Variants in TRHDE observed in about 807,000 individuals in gnomAD.
The protein encoded by TRHDE is thyrotropin-releasing hormone-degrading ectoenzyme.
Under a neutral mutation model 125.7 loss-of-function variants are expected in TRHDE, and 72 were observed. That is an observed-to-expected ratio of 0.57 (90% CI 0.47 to 0.70). The LOEUF is 0.70. TRHDE is among the 30% of genes least tolerant of loss of function. The pLI, the probability that TRHDE is intolerant of heterozygous loss-of-function variation, is 0.00. For synonymous variants in TRHDE, 509 were observed against 509.1 expected (o/e 1.00, Z 0.00); for missense variants, 1,110 against 1,327.1 (o/e 0.84, Z 2.54).
chr12:72,156,654 G>C (rs1876519922), intron 2 of TRHDE, among the ~76,000 whole-genome samples: 1 of 152,172 alleles, frequency 6.6e-6, no homozygotes, highest in Non-Finnish European at 1.5e-5. Flanking sequence ...CTGTGATTAG[G>C]AGTTAGAGTT....
intron 2 of TRHDE, among the ~76,000 whole-genome samples, chr12:72,173,118 TTTC>T (rs1428336711): frequency 5.3e-5 from 8 of 152,230 alleles, no homozygotes; most frequent in Non-Finnish European, 1.0e-4. Context: ...TAACTACATC[TTTC>T]ATTGTTTCTA....
chr12:72,511,281 G>A (rs900095328), intron 6 of TRHDE, among the ~76,000 whole-genome samples: 2 of 151,968 alleles, frequency 1.3e-5, no homozygotes, highest in Non-Finnish European at 2.9e-5. Flanking sequence ...AATTAATTTT[G>A]TATTTGCATA....
At chr12:72,109,207 A>G (rs939933761) in intron 2 of TRHDE, among the ~76,000 whole-genome samples, 4 of 152,078 alleles carry the variant, frequency 2.6e-5, no homozygotes, top group Non-Finnish European at 5.9e-5. Context: ...AGAGTAGAGT[A>G]AGAATTGACA....
intron 3 of TRHDE, among the ~76,000 whole-genome samples, chr12:72,426,951 A>C (rs558154582): frequency 3.5e-4 from 53 of 152,130 alleles, no homozygotes; most frequent in Non-Finnish European, 7.1e-4. Flanking sequence ...TTTAGTGGCC[A>C]AATGTCACCT....
intron 3 of TRHDE, among the ~76,000 whole-genome samples, chr12:72,459,708 C>G (rs1876035284): frequency 6.6e-6 from 1 of 152,046 alleles, no homozygotes; most frequent in Non-Finnish European, 1.5e-5. Flanking sequence ...CAGCCTCGAC[C>G]TCCTGGGCTC....
chr12:72,467,683 C>T (rs553005470), intron 3 of TRHDE, among the ~76,000 whole-genome samples: 9 of 152,000 alleles, frequency 5.9e-5, no homozygotes, highest in African/African-American at 1.4e-4. Context: ...GGCATGGTGG[C>T]GCGTGCCTGT....
chr12:72,386,246 A>G (rs954371147), intron 3 of TRHDE, among the ~76,000 whole-genome samples: 6 of 152,212 alleles, frequency 3.9e-5, no homozygotes, highest in African/African-American at 1.4e-4. Context: ...GAGGCCTCCA[A>G]GGCATTGTTT....
At chr12:72,323,098 T>C (rs1288475760) in intron 2 of TRHDE, among the ~76,000 whole-genome samples, 1 of 152,202 alleles carries the variant, frequency 6.6e-6, no homozygotes, top group Non-Finnish European at 1.5e-5. Flanking sequence ...TGTGGTTCCC[T>C]GTGATCTTGG....
At chr12:72,498,074 G>A (rs1394748809) in intron 5 of TRHDE, among the ~76,000 whole-genome samples, 1 of 152,084 alleles carries the variant, frequency 6.6e-6, no homozygotes, top group Non-Finnish European at 1.5e-5. Context: ...CCTCTTGGAT[G>A]GAGCAAAGAC....
chr12:72,265,837 A>C (rs1879055249), intron 2 of TRHDE, among the ~76,000 whole-genome samples: 1 of 152,006 alleles, frequency 6.6e-6, no homozygotes, highest in South Asian at 2.1e-4. Context: ...ATATTATGTT[A>C]CATATCATTA....
At chr12:72,481,682 A>G (rs1877182829) in intron 5 of TRHDE, among the ~76,000 whole-genome samples, 1 of 151,528 alleles carries the variant, frequency 6.6e-6, no homozygotes, top group African/African-American at 2.4e-5. Context: ...ACATGTTTTG[A>G]CACTGAGCTG....
At chr12:72,263,274 T>A (rs1485197796) in intron 2 of TRHDE, 1 of 151,900 alleles carries the variant, frequency 6.6e-6, no homozygotes, top group African/African-American at 2.4e-5. Context: ...CAACTTAAAC[T>A]GAAGGAAGAC....
rs182518518 is a variant in TRHDE, at chr12:72,410,172, A to T, written c.1315+32051A>T. 1.1e-3 allele frequency among the ~76,000 whole-genome samples: 165 copies of T among 152,068 alleles called. 1 individual carries two copies. The highest frequency in any genetic ancestry group is 3.8e-3 in the African/African-American group (157 of 41,542). On this transcript the variant is annotated intron_variant, in intron 3 of 18. Coordinates refer to ENST00000261180, the MANE Select transcript of TRHDE (RefSeq NM_013381.3). ...TTTTGACAGTTAAGTAAAATGAACA[A>T]ATTCCTAGAAAAACAAACTTACTAA...
intron 2 of TRHDE, among the ~76,000 whole-genome samples, chr12:72,214,869 C>A (rs1182922633): frequency 6.6e-6 from 1 of 152,156 alleles, no homozygotes; most frequent in Non-Finnish European, 1.5e-5. Flanking sequence ...TATATATTCT[C>A]CTGTGCTATA....
chr12:72,525,601 T>TTGTGTGTGTGTGTGTGTGTG (rs3081972), intron 6 of TRHDE, among the ~76,000 whole-genome samples: 1 of 127,672 alleles, frequency 7.8e-6, no homozygotes, highest in African/African-American at 3.2e-5. Context: ...TGTGTGTGGT[T>TTGTGTGTGTGTGTGTGTGTG]TGTGTGTGTG....
intron 3 of TRHDE, among the ~76,000 whole-genome samples, chr12:72,423,394 C>T (rs567264243): frequency 6.6e-6 from 1 of 152,274 alleles, no homozygotes; most frequent in African/African-American, 2.4e-5. Context: ...TCCGTTTGAG[C>T]TACTTTTCTT....
At chr12:72,525,601 TTGTGTGTGTG>T (rs3081972) in intron 6 of TRHDE, among the ~76,000 whole-genome samples, 72 of 127,714 alleles carry the variant, frequency 5.6e-4, no homozygotes, top group African/African-American at 1.9e-3. Context: ...TGTGTGTGGT[TTGTGTGTGTG>T]TGTGTGTGTG....
chr12:72,542,448 G>T lies in TRHDE; in HGVS notation c.1788+92G>T, dbSNP rs1210670066. On this transcript the variant is annotated intron_variant, in intron 7 of 18. Transcript: ENST00000261180. ...TGGCTAATACAAAATTGCTGAACTT[G>T]GTGGAAAACTTTAAGATGTGTAAGT... The T allele has an allele frequency of 2.3e-5, 24 of 1,032,712 alleles. No individual in the cohort carries two copies. In the East Asian group the frequency reaches 5.9e-4, roughly 25 times the overall value. 64.0% of individuals were successfully genotyped at this position (1,032,712 alleles called of 1,614,324 possible).
chr12:72,460,211 T>C (rs1876062749), intron 3 of TRHDE, among the ~76,000 whole-genome samples: 1 of 152,206 alleles, frequency 6.6e-6, no homozygotes, highest in Admixed American at 6.5e-5. Flanking sequence ...AGAATTGTGT[T>C]TCAACAATAA....
Sources: allele counts gnomAD v4.1 joint callset (sites outside exome capture counted in the v4.1 genomes callset), GRCh38; gene constraint gnomAD v4.1.1; transcripts MANE v1.5; gene names NCBI Gene and HGNC (gene_info 2026-07-23, HGNC 2026-07-21).